The following PTPRD variants were observed in gnomAD, a reference collection of about 807,000 sequenced individuals.
The protein encoded by PTPRD is protein tyrosine phosphatase receptor type D, also known as receptor-type tyrosine-protein phosphatase delta.
Under a neutral mutation model 214.5 loss-of-function variants are expected in PTPRD, and 34 were observed. That is an observed-to-expected ratio of 0.16 (90% CI 0.12 to 0.21). The LOEUF is 0.21. PTPRD is among the 10% of genes least tolerant of loss of function. PTPRD has a pLI of 1.00. For missense variants in PTPRD, 2,545 were observed against 2,398.7 expected (o/e 1.06, Z -1.27); for synonymous variants, 1,128 against 845.7 (o/e 1.33, Z -5.79).
At chr9:9,802,765 T>C (rs763809257) in intron 5 of PTPRD, among the ~76,000 whole-genome samples, 2 of 151,864 alleles carry the variant, frequency 1.3e-5, no homozygotes, top group Non-Finnish European at 2.9e-5. Flanking sequence ...CTCCATATAT[T>C]ATCTGAGGAC....
At chr9:8,907,517 C>CAAAA (rs60277757) in intron 11 of PTPRD, among the ~76,000 whole-genome samples, 23 of 79,582 alleles carry the variant, frequency 2.9e-4, no homozygotes, top group African/African-American at 5.2e-4. Context: ...GACTCCGTCT[C>CAAAA]AAAAAAAAAA....
chr9:10,153,148 G>C (rs1359370150), intron 3 of PTPRD, among the ~76,000 whole-genome samples: 1 of 152,068 alleles, frequency 6.6e-6, no homozygotes, highest in Non-Finnish European at 1.5e-5. Context: ...AAGTTGTTGA[G>C]AGTAGATTTT....
At chr9:10,171,284 G>C (rs138245402) in intron 3 of PTPRD, among the ~76,000 whole-genome samples, 1,715 of 152,122 alleles carry the variant, frequency 0.011, 14 homozygotes, top group Middle Eastern at 0.024. Flanking sequence ...GGAGGGACCT[G>C]GTGGAGACAA....
intron 10 of PTPRD, among the ~76,000 whole-genome samples, chr9:9,136,874 A>G (rs1037514877): frequency 6.6e-6 from 1 of 152,180 alleles, no homozygotes. Context: ...TGTATTTCCA[A>G]TGGGTGAAAT....
intron 3 of PTPRD, among the ~76,000 whole-genome samples, chr9:10,338,475 A>G (rs1172714267): frequency 6.6e-6 from 1 of 151,786 alleles, no homozygotes; most frequent in Non-Finnish European, 1.5e-5. Context: ...TTGTGTGCCC[A>G]GCACATACTG....
chr9:9,455,648 A>T (rs974672497), intron 8 of PTPRD, among the ~76,000 whole-genome samples: 4 of 151,734 alleles, frequency 2.6e-5, no homozygotes, highest in Admixed American at 2.6e-4. Context: ...ACTGAATCAG[A>T]AATTTGGAGC....
chr9:9,379,038 A>G (rs1166471736), intron 9 of PTPRD, among the ~76,000 whole-genome samples: 1 of 151,008 alleles, frequency 6.6e-6, no homozygotes, highest in African/African-American at 2.4e-5. Context: ...TATTTCTTTC[A>G]TGTTCTGAGT....
Position 8,497,854 on chromosome 9 carries a change from C to G in PTPRD, c.2323-586G>C, listed in dbSNP as rs545174421. ...TTAACTACCATATTTTGCAATGGAA[C>G]TAGGGAGAGAATTACAGTTCTGTAA... On this transcript the variant is annotated intron_variant, in intron 25 of 45. Coordinates refer to ENST00000381196, the MANE Select transcript of PTPRD (RefSeq NM_002839.4). Among the ~76,000 whole-genome samples, 3 of 152,244 alleles carry G rather than the reference C, an allele frequency of 2.0e-5. No individual in the cohort carries two copies. The South Asian group carries it at 6.2e-4, about 32-fold the overall frequency.
chr9:9,975,810 G>C (rs746993625), intron 4 of PTPRD, among the ~76,000 whole-genome samples: 4 of 152,152 alleles, frequency 2.6e-5, no homozygotes, highest in Non-Finnish European at 4.4e-5. Flanking sequence ...TGCATTACTT[G>C]TTAGGCCTAA....
chr9:9,007,914 A>AT lies in PTPRD; in HGVS notation c.-104+10782dup, dbSNP rs577997320. On this transcript the variant is annotated intron_variant, in intron 11 of 45. Transcript: ENST00000381196. ...TTTTTTTTTGTTTTTGAAATTTGGC[A>AT]TTTTTTTTAAATTTTATTATTATTA... Among the ~76,000 whole-genome samples, 47 of 87,144 alleles carry AT rather than the reference A, an allele frequency of 5.4e-4. 1 individual carries two copies. Among genetic ancestry groups the AT allele is most frequent in the African/African-American group, 1.5e-3 (41 of 28,220 alleles). The allele number at this position is 87,144 out of a possible 152,430, so 57.2% of individuals were successfully genotyped here.
At chr9:10,103,247 A>G (rs1201936898) in intron 3 of PTPRD, among the ~76,000 whole-genome samples, 1 of 151,238 alleles carries the variant, frequency 6.6e-6, no homozygotes. Flanking sequence ...CTTTTTAAGT[A>G]AATCTGGAGT....
chr9:8,995,124 T>A (rs563666820), intron 11 of PTPRD, among the ~76,000 whole-genome samples: 1 of 152,120 alleles, frequency 6.6e-6, no homozygotes, highest in African/African-American at 2.4e-5. Context: ...TTATTAGATA[T>A]ATAACTGGCA....
chr9:9,936,219 T>G (rs1224045782), intron 5 of PTPRD, among the ~76,000 whole-genome samples: 1 of 148,644 alleles, frequency 6.7e-6, no homozygotes, highest in Non-Finnish European at 1.5e-5. Flanking sequence ...AAAGCCAAAA[T>G]TGACAAATGG....
At chr9:9,508,559 C>T (rs1488344356) in intron 8 of PTPRD, among the ~76,000 whole-genome samples, 1 of 151,414 alleles carries the variant, frequency 6.6e-6, no homozygotes, top group Non-Finnish European at 1.5e-5. Flanking sequence ...AATGACATTT[C>T]TCCTCTTACA....
intron 8 of PTPRD, among the ~76,000 whole-genome samples, chr9:9,530,347 C>G (rs1035370646): frequency 6.6e-6 from 1 of 152,054 alleles, no homozygotes. Context: ...ATATCAAAGA[C>G]TTTTATGAGC....
chr9:8,407,166 G>A (rs1435238300), intron 35 of PTPRD, among the ~76,000 whole-genome samples: 1 of 152,184 alleles, frequency 6.6e-6, no homozygotes, highest in Admixed American at 6.5e-5. Context: ...ACCTATGTTA[G>A]ATAATACGCT....
chr9:8,894,160 C>T (rs1020923497), intron 11 of PTPRD, among the ~76,000 whole-genome samples: 1 of 151,720 alleles, frequency 6.6e-6, no homozygotes, highest in African/African-American at 2.4e-5. Flanking sequence ...TTGAGACTAG[C>T]CTGGCTAATG....
intron 3 of PTPRD, among the ~76,000 whole-genome samples, chr9:10,135,013 C>T (rs547357841): frequency 1.4e-4 from 22 of 152,136 alleles, no homozygotes; most frequent in African/African-American, 4.6e-4. Context: ...GATGACATAG[C>T]AATTTTTTAA....
At chr9:10,262,391 C>CT (rs2093755297) in intron 3 of PTPRD, among the ~76,000 whole-genome samples, 1 of 152,156 alleles carries the variant, frequency 6.6e-6, no homozygotes. Context: ...GAGGTAGACT[C>CT]TGTCATCGGT....
Sources: gnomAD v4.1 joint callset for allele counts (sites outside exome capture counted in the v4.1 genomes callset) on GRCh38, gnomAD v4.1.1 for gene constraint, MANE v1.5 for transcripts, NCBI Gene and HGNC (gene_info 2026-07-23, HGNC 2026-07-21) for gene names.